Variants in COL6A6 observed in about 807,000 individuals in gnomAD.
The protein encoded by COL6A6 is collagen type VI alpha 6 chain.
Under a neutral mutation model 208.6 loss-of-function variants are expected in COL6A6, and 183 were observed. That is an observed-to-expected ratio of 0.88 (90% CI 0.78 to 0.99). COL6A6 has a LOEUF of 0.99. Ranked by LOEUF, COL6A6 falls within the 50% of genes least tolerant of loss-of-function variation. The pLI is 0.00. For synonymous variants in COL6A6, 973 were observed against 1,011.8 expected (o/e 0.96, Z 0.73); for missense variants, 2,816 against 2,815.2 (o/e 1.00, Z -0.01).
intron 2 of COL6A6, among the ~76,000 whole-genome samples, chr3:130,561,633 A>ATTT (rs2062885023): frequency 9.5e-6 from 1 of 105,094 alleles, no homozygotes; most frequent in African/African-American, 4.3e-5. Flanking sequence ...AGTTGAATCT[A>ATTT]CTTTTTTTTT....
chr3:130,592,698 A>G lies in COL6A6; in HGVS notation c.4347A>G (p.Gly1449=), dbSNP rs1195579129. The change falls in exon 15 of 37, where the codon GGA becomes GGG. Residue 1449 remains glycine (G), a splice_region_variant and synonymous_variant. Coordinates refer to ENST00000358511, the MANE Select transcript of COL6A6 (RefSeq NM_001102608.3). ...KGCYGTKGPK[G]NRGLNGQEGE... ...TATAACTGTCCTTTTATTTTCAGGG[A>G]AACAGAGGACTAAATGGACAGGAGG... 1 of 1,612,964 alleles carries G rather than the reference A, an allele frequency of 6.2e-7. No homozygotes were observed. Among genetic ancestry groups the G allele is most frequent in the Admixed American group, 1.7e-5 (1 of 60,010 alleles).
At chr3:130,534,293 T>C (rs1195984980) in intron 1 of COL6A6, among the ~76,000 whole-genome samples, 3 of 152,202 alleles carry the variant, frequency 2.0e-5, no homozygotes, top group African/African-American at 4.8e-5. Context: ...CATGTGGCTA[T>C]TGACCATTCA....
At chr3:130,623,866 T>G (rs1414683086) in intron 24 of COL6A6, among the ~76,000 whole-genome samples, 1 of 151,078 alleles carries the variant, frequency 6.6e-6, no homozygotes, top group Non-Finnish European at 1.5e-5. Context: ...GGAAGGAAAA[T>G]CAACAAAAAA....
intron 20 of COL6A6, 28 bp from the exon 21 acceptor site, chr3:130,606,903 A>C: frequency 6.3e-7 from 1 of 1,593,580 alleles, no homozygotes; most frequent in South Asian, 1.1e-5. Context: ...TTCTGAATTA[A>C]TGATATCCAC....
intron 29 of COL6A6, among the ~76,000 whole-genome samples, chr3:130,642,143 T>C (rs1294346457): frequency 1.3e-5 from 2 of 152,066 alleles, no homozygotes; most frequent in East Asian, 3.9e-4. Flanking sequence ...GTGTCTCTCT[T>C]TGAAAGAAGC....
chr3:130,585,819 G>T (rs1198763426), intron 10 of COL6A6, among the ~76,000 whole-genome samples: 1 of 152,196 alleles, frequency 6.6e-6, no homozygotes, highest in Non-Finnish European at 1.5e-5. Context: ...CAAATCACCT[G>T]GGGATTTTGT....
At position 130,610,667 on chromosome 3, in the gene COL6A6, G is replaced by C; in HGVS notation, c.4771G>C (p.Gly1591Arg). Residue 1591 changes from glycine (G) to arginine (R), a missense_variant, in exon 23 of 37, where the codon GGT becomes CGT. Physicochemically the swap from Gly to Arg is moderately radical, Grantham distance 125. Coordinates refer to ENST00000358511, the MANE Select transcript of COL6A6 (RefSeq NM_001102608.3). ...KGPQGPRGEAGVKGEKGGVGS... is the reference protein window; with the variant it reads ...KGPQGPRGEARVKGEKGGVGS... The stretch of plus-strand genomic sequence containing the variant: ...TACTTAGGGCCCAAGAGGAGAGGCT[G>C]GTGTGAAAGGAGAAAAAGGAGGTGT... 1 of 1,590,744 alleles carries C rather than the reference G, an allele frequency of 6.3e-7. No individual in the cohort carries two copies. Among genetic ancestry groups the C allele is most frequent in the Non-Finnish European group, 8.6e-7 (1 of 1,167,874 alleles).
chr3:130,573,399 A>G lies in COL6A6; in HGVS notation c.2978-557A>G, dbSNP rs568312109. The stretch of plus-strand genomic sequence containing the variant: ...TCAGAAAATAAAATGGCCTAATACC[A>G]AATCAACAAGCCAAGAGAAGCATAA... On this transcript the variant is annotated intron_variant, in intron 7 of 36. Coordinates refer to ENST00000358511, the MANE Select transcript of COL6A6 (RefSeq NM_001102608.3). 4.6e-5 allele frequency among the ~76,000 whole-genome samples: 7 copies of G among 152,310 alleles called. No homozygotes were observed. The South Asian group carries it at 1.5e-3, about 32-fold the overall frequency.
chr3:130,641,694 C>T lies in COL6A6; in HGVS notation c.5134C>T (p.Pro1712Ser), dbSNP rs1475655397. The T allele has an allele frequency of 2.5e-6, 4 of 1,597,282 alleles. No homozygotes were observed. Among genetic ancestry groups the T allele is most frequent in the Non-Finnish European group, 3.4e-6 (4 of 1,166,384 alleles). The change falls in exon 29 of 37, where the codon CCA becomes TCA. Residue 1712 changes from proline (P) to serine (S), a missense_variant. By Grantham distance (74) the Pro-to-Ser change is moderately conservative (BLOSUM62 -1). Coordinates refer to ENST00000358511, the MANE Select transcript of COL6A6 (RefSeq NM_001102608.3). ...AGGAGAGATGGGATCCCCTGGGGAA[C>T]CAGGACCTCCTGGACGTAAGGTAAG... Reference protein sequence around the residue: ...LPGEMGSPGEPGPPGRKGVKG... With the variant: ...LPGEMGSPGESGPPGRKGVKG...
chr3:130,617,590 T>G (rs182809508), intron 23 of COL6A6, among the ~76,000 whole-genome samples: 15 of 152,250 alleles, frequency 9.9e-5, no homozygotes, highest in African/African-American at 3.6e-4. Context: ...GATTGACATC[T>G]CAGATGTTTT....
Position 130,563,206 on chromosome 3 carries a change from T to G in COL6A6, c.203T>G (p.Leu68Arg). ...GAGGCCGACAAATACCGTGTGGCCC[T>G]GGCCCAGTACAGTGATAAACTTCAC... is the stretch of plus-strand genomic sequence containing the variant. ...PIEADKYRVA[L>R]AQYSDKLHSE... The change falls in exon 3 of 37, where the codon CTG becomes CGG. Residue 68 changes from leucine (L) to arginine (R), a missense_variant. Leu to Arg is a moderately radical substitution (Grantham distance 102). Transcript: ENST00000358511. 6.2e-7 allele frequency: 1 copy of G among 1,614,022 alleles called. No individual in the cohort carries two copies. The highest frequency in any genetic ancestry group is 1.3e-5 in the African/African-American group (1 of 75,056).
intron 12 of COL6A6, among the ~76,000 whole-genome samples, chr3:130,590,244 C>CT (rs1187919228): frequency 2.9e-5 from 1 of 34,262 alleles, no homozygotes; most frequent in Non-Finnish European, 5.9e-5. Flanking sequence ...AATTCCATTT[C>CT]TTTTTTTTTC....
intron 1 of COL6A6, among the ~76,000 whole-genome samples, chr3:130,529,727 G>A (rs1034755874): frequency 3.9e-5 from 6 of 152,168 alleles, no homozygotes; most frequent in African/African-American, 1.2e-4. Context: ...AGCACCTGTA[G>A]TCCTTAGTGA....
At chr3:130,531,506 G>T (rs527582488) in intron 1 of COL6A6, among the ~76,000 whole-genome samples, 4 of 152,308 alleles carry the variant, frequency 2.6e-5, no homozygotes, top group African/African-American at 9.6e-5. Context: ...TGCCCACATA[G>T]CCTACATTCT....
At chr3:130,607,910 T>C (rs2064234467) in intron 21 of COL6A6, among the ~76,000 whole-genome samples, 1 of 152,226 alleles carries the variant, frequency 6.6e-6, no homozygotes, top group Non-Finnish European at 1.5e-5. Context: ...TTATTTCTTA[T>C]AGTTCTAGAG....
At position 130,560,363 on chromosome 3, in the gene COL6A6, A is replaced by G. The variant is rs779829823; in HGVS notation, c.-2A>G. On this transcript the variant is annotated 5_prime_UTR_variant, in exon 2 of 37. Coordinates refer to ENST00000358511, the MANE Select transcript of COL6A6 (RefSeq NM_001102608.3). ...GAAGTTGAAGATTTTTCAGGTCATA[A>G]TATGATGTTGCTAATTTTGTTCCTC... 1 of 1,610,690 alleles carries G rather than the reference A, an allele frequency of 6.2e-7. No homozygotes were observed. The highest frequency in any genetic ancestry group is 1.3e-5 in the African/African-American group (1 of 74,986).
rs1429728738 is a variant in COL6A6, at chr3:130,676,555, T to TC, written c.*1163dup. ...AGCAATGGCCCTGTTAGGCAGACTG[T>TC]CCCCCTCTTTGGGAATGGAAAGAAG... On this transcript the variant is annotated 3_prime_UTR_variant, in exon 37 of 37. Transcript: ENST00000358511. 1 of 152,174 alleles carries TC rather than the reference T, an allele frequency of 6.6e-6. No individual in the cohort carries two copies. The highest frequency in any genetic ancestry group is 1.5e-5 in the Non-Finnish European group (1 of 68,054). 9.4% of individuals were successfully genotyped at this position (152,174 alleles called of 1,614,324 possible). A position where few individuals can be genotyped will look rare whatever the true frequency, so the allele number is the denominator to read the frequency against.
chr3:130,635,005 C>T (rs1023177502), intron 27 of COL6A6, among the ~76,000 whole-genome samples: 1 of 152,084 alleles, frequency 6.6e-6, no homozygotes, highest in Non-Finnish European at 1.5e-5. Context: ...GAGGCCAAGG[C>T]AGGTGGATCA....
rs770183659 is a variant in COL6A6, at chr3:130,581,897, G to T, written c.3884G>T (p.Arg1295Leu). 12 of 1,603,830 alleles carry T rather than the reference G, an allele frequency of 7.5e-6. No individual in the cohort carries two copies. Among genetic ancestry groups the T allele is most frequent in the Middle Eastern group, 1.7e-4 (1 of 6,020 alleles). Residue 1295 changes from arginine to leucine, a missense_variant, in exon 9 of 37, where the codon CGA (arginine) becomes CTA (leucine). Transcript: ENST00000358511. ...ACATTTCAGAATAAATCAGCTGCTC[G>T]AGGAAAGGTAACATGGATTTATCTT... ...WDTFQNKSAA[R>L]GKVVLLFSDG...
Sources: allele counts gnomAD v4.1 joint callset (sites outside exome capture counted in the v4.1 genomes callset), GRCh38; gene constraint gnomAD v4.1.1; transcripts MANE v1.5; gene names NCBI Gene and HGNC (gene_info 2026-07-23, HGNC 2026-07-21).